Variants in TPO observed in about 807,000 individuals in gnomAD.
TPO encodes thyroid microsomal antigen.
In TPO, 78 loss-of-function variants were observed where a neutral mutation model predicts 96.9. The observed-to-expected ratio is 0.81, with a 90% confidence interval of 0.67 to 0.97. The LOEUF is 0.97. Among genes scored for constraint, TPO ranks in the 50% least tolerant of loss-of-function variants. The pLI is 0.00. For missense variants in TPO, 1,252 were observed against 1,274.8 expected (o/e 0.98, Z 0.27); for synonymous variants, 547 against 538.0 (o/e 1.02, Z -0.23).
intron 8 of TPO, among the ~76,000 whole-genome samples, chr2:1,483,944 G>A (rs866129560): frequency 2.0e-4 from 31 of 152,288 alleles, no homozygotes; most frequent in African/African-American, 7.2e-4. Flanking sequence ...TAAGCTAAAA[G>A]AGAAGATTCA....
Position 1,477,616 on chromosome 2 carries a change from G to T in TPO, c.1338+12G>T. On this transcript the variant is annotated intron_variant, in intron 8 of 16. Transcript: ENST00000329066. ...GCGCTCTGCACCAGGTGCGCGGGGT[G>T]GTCCTGGGCGCCCTGGGTGGCTGCG... 1.3e-6 allele frequency: 2 copies of T among 1,495,756 alleles called. No individual in the cohort carries two copies. Among genetic ancestry groups the T allele is most frequent in the Non-Finnish European group, 1.8e-6 (2 of 1,129,216 alleles). The allele number at this position is 1,495,756 out of a possible 1,614,324, so 92.7% of individuals were successfully genotyped here. A position where few individuals can be genotyped will look rare whatever the true frequency, so the allele number is the denominator to read the frequency against.
intron 10 of TPO, among the ~76,000 whole-genome samples, chr2:1,489,879 C>T (rs1447030870): frequency 1.3e-5 from 2 of 152,240 alleles, no homozygotes; most frequent in Admixed American, 1.3e-4. Flanking sequence ...GAGTCAACCT[C>T]ACGTTTGAGC....
chr2:1,478,296 A>G, intron 8 of TPO: 2 of 985,430 alleles, frequency 2.0e-6, no homozygotes, highest in Non-Finnish European at 2.4e-6. Flanking sequence ...ACAGGTTGTT[A>G]GGAAGAAGGA....
chr2:1,463,834 C>G (rs980854260), intron 7 of TPO, among the ~76,000 whole-genome samples: 1 of 152,194 alleles, frequency 6.6e-6, no homozygotes, highest in African/African-American at 2.4e-5. Flanking sequence ...TCATGCACAC[C>G]AATGTGTATC....
intron 1 of TPO, among the ~76,000 whole-genome samples, chr2:1,392,771 T>C (rs552192696): frequency 1.3e-5 from 2 of 152,292 alleles, no homozygotes; most frequent in Admixed American, 1.3e-4. Context: ...TATTTTTTAG[T>C]TTATTTGTGT....
At chr2:1,512,190 C>T (rs1015942813) in intron 14 of TPO, among the ~76,000 whole-genome samples, 9 of 152,270 alleles carry the variant, frequency 5.9e-5, no homozygotes, top group South Asian at 2.1e-4. Flanking sequence ...CCCGCCACCA[C>T]GCCCGGCTAA....
In TPO at chr2:1,436,407, A is replaced by G. The variant is rs1553302889; in HGVS notation, c.482+23A>G. On this transcript the variant is annotated intron_variant, in intron 5 of 16. Coordinates refer to ENST00000329066, the MANE Select transcript of TPO (RefSeq NM_001206744.2). ...CAGGTATTGTTTGTGGATTTTCTTA[A>G]TCTTCTCGTGAAAGTTGGATCTGAA... 45 of 1,613,998 alleles carry G rather than the reference A, an allele frequency of 2.8e-5. 1 individual carries two copies. In the South Asian group the frequency reaches 4.7e-4, roughly 17 times the overall value.
At chr2:1,534,730 G>GTGTGTGCAACCTCCTCAAATCTCCCCCAC (rs1558433828) in intron 15 of TPO, among the ~76,000 whole-genome samples, 1 of 128,618 alleles carries the variant, frequency 7.8e-6, no homozygotes, top group Non-Finnish European at 1.6e-5. Context: ...ATTCCCTCTA[G>GTGTGTGCAACCTCCTCAAATCTCCCCCAC]TGTGTGCAAC....
At chr2:1,477,995 A>G (rs979286867) in intron 8 of TPO, 2 of 985,304 alleles carry the variant, frequency 2.0e-6, no homozygotes, top group Non-Finnish European at 2.4e-6. Flanking sequence ...TACGTGCTTT[A>G]CAGATTTCAA....
chr2:1,438,411 G>C (rs11888196), intron 5 of TPO, among the ~76,000 whole-genome samples: 49,392 of 152,010 alleles, frequency 0.32, 8,967 homozygotes, highest in South Asian at 0.48. Context: ...TTTCACCAGA[G>C]GGGTCCGTGA....
chr2:1,488,078 G>C (rs957462973), intron 10 of TPO, 87 bp downstream of exon 10: 10 of 1,584,982 alleles, frequency 6.3e-6, no homozygotes, highest in Non-Finnish European at 8.6e-6. Context: ...GACTGATTTA[G>C]AGGAAAACAA....
chr2:1,484,636 C>T lies in TPO; in HGVS notation c.1379C>T (p.Pro460Leu), dbSNP rs1301432632. Reference sequence around the variant, plus strand: ...GATTACATCCCCAGGATCCTGGGACCCGAGGCCTTCCAGCAGTACGTGGGT... The same window carrying T: ...GATTACATCCCCAGGATCCTGGGACTCGAGGCCTTCCAGCAGTACGTGGGT... ...LRDYIPRILG[P>L]EAFQQYVGPY... Residue 460 changes from proline (P) to leucine (L), a missense_variant, in exon 9 of 17, where the codon CCC (proline) becomes CTC (leucine). Physicochemically the swap from Pro to Leu is moderately conservative, Grantham distance 98. Transcript: ENST00000329066. The T allele has an allele frequency of 6.2e-7, 1 of 1,614,034 alleles. No individual in the cohort carries two copies.
chr2:1,537,340 T>C (rs1679984150), intron 15 of TPO, among the ~76,000 whole-genome samples: 2 of 73,244 alleles, frequency 2.7e-5, no homozygotes, highest in Non-Finnish European at 5.1e-5. Flanking sequence ...CCCCAAATCC[T>C]CCACTCTGTT....
At position 1,496,592 on chromosome 2, in the gene TPO, T is replaced by C. The variant is rs1672374628; in HGVS notation, c.2216-3T>C. 1 of 1,613,904 alleles carries C rather than the reference T, an allele frequency of 6.2e-7. No homozygotes were observed. Among genetic ancestry groups the C allele is most frequent in the Non-Finnish European group, 8.5e-7 (1 of 1,180,028 alleles). ...TACATGTCAACCTGTCCACATTTCATAGACGACAAGTGTGGCTTCCCAGAG... is the reference window on the plus strand; with the variant it reads ...TACATGTCAACCTGTCCACATTTCACAGACGACAAGTGTGGCTTCCCAGAG... On this transcript the variant is annotated splice_polypyrimidine_tract_variant and splice_region_variant and intron_variant, in intron 12 of 16. Transcript: ENST00000329066.
chr2:1,384,023 G>C (rs568967227), intron 1 of TPO, among the ~76,000 whole-genome samples: 17 of 152,172 alleles, frequency 1.1e-4, no homozygotes, highest in Non-Finnish European at 1.9e-4. Context: ...AGATCAGATA[G>C]TTGTAGATGT....
intron 15 of TPO, among the ~76,000 whole-genome samples, chr2:1,534,507 AACTT>A: frequency 1.3e-5 from 1 of 77,648 alleles, no homozygotes; most frequent in Non-Finnish European, 2.5e-5. Flanking sequence ...CGCAGTGTGC[AACTT>A]CCCCAAATCC....
Position 1,516,867 on chromosome 2 carries a change from T to G in TPO, c.2519-16T>G. ...CCTGGAAGGTTCTTCTAACCAGGCC[T>G]CTTTCTGTGCCCCAGACTCCGGGAG... On this transcript the variant is annotated splice_polypyrimidine_tract_variant and intron_variant, in intron 14 of 16. Transcript: ENST00000329066. 6.2e-7 allele frequency: 1 copy of G among 1,613,442 alleles called. No homozygotes were observed. The highest frequency in any genetic ancestry group is 8.5e-7 in the Non-Finnish European group (1 of 1,179,798).
At chr2:1,461,799 C>G (rs1381105137) in intron 7 of TPO, among the ~76,000 whole-genome samples, 1 of 152,108 alleles carries the variant, frequency 6.6e-6, no homozygotes, top group Non-Finnish European at 1.5e-5. Flanking sequence ...CACAGCTGCT[C>G]CAGGATCCTT....
At chr2:1,492,402 G>A (rs1227145181) in intron 10 of TPO, among the ~76,000 whole-genome samples, 1 of 152,136 alleles carries the variant, frequency 6.6e-6, no homozygotes, top group African/African-American at 2.4e-5. Context: ...CAATCCGCCC[G>A]CCTCGGCCTC....
Sources: gnomAD v4.1 joint callset for allele counts (sites outside exome capture counted in the v4.1 genomes callset) on GRCh38, gnomAD v4.1.1 for gene constraint, MANE v1.5 for transcripts, NCBI Gene and HGNC (gene_info 2026-07-23, HGNC 2026-07-21) for gene names.